DOK5: variants seen among roughly 807,000 people sequenced by gnomAD.
DOK5 encodes downstream of tyrosine kinase 5.
DOK5 carries 27 observed loss-of-function variants against 43.3 expected under a neutral mutation model. The observed-to-expected ratio is 0.62, with a 90% CI of 0.46 to 0.86. The LOEUF is 0.86. DOK5 is among the 40% of genes least tolerant of loss of function. The pLI, the probability that DOK5 is intolerant of heterozygous loss-of-function variation, is 0.00. For missense variants in DOK5, 373 were observed against 392.9 expected (o/e 0.95, Z 0.43); for synonymous variants, 146 against 140.1 (o/e 1.04, Z -0.30).
intron 1 of DOK5, among the ~76,000 whole-genome samples, chr20:54,532,204 A>G (rs1600684381): frequency 2.6e-5 from 4 of 152,170 alleles, no homozygotes. Flanking sequence ...TCGACAACCC[A>G]GTGTGGTAGA....
intron 1 of DOK5, among the ~76,000 whole-genome samples, chr20:54,512,514 A>G (rs2146688701): frequency 6.6e-6 from 1 of 152,232 alleles, no homozygotes; most frequent in South Asian, 2.1e-4. Flanking sequence ...TTATTTATCC[A>G]TGGTAACAGC....
At chr20:54,602,769 G>A (rs1053335861) in intron 5 of DOK5, among the ~76,000 whole-genome samples, 3 of 152,066 alleles carry the variant, frequency 2.0e-5, no homozygotes, top group Admixed American at 2.0e-4. Context: ...CCACCTCCCG[G>A]GTTCAAGCAA....
chr20:54,545,261 G>A (rs1984301275), intron 1 of DOK5, among the ~76,000 whole-genome samples: 2 of 152,198 alleles, frequency 1.3e-5, no homozygotes, highest in Non-Finnish European at 2.9e-5. Flanking sequence ...GGATGGAGGG[G>A]CATTACCTGT....
At chr20:54,624,456 G>C (rs1475063052) in intron 6 of DOK5, among the ~76,000 whole-genome samples, 1 of 152,212 alleles carries the variant, frequency 6.6e-6, no homozygotes, top group African/African-American at 2.4e-5. Flanking sequence ...CTGGCACAGG[G>C]CTTAAAGGTT....
At chr20:54,490,901 C>G (rs1334972020) in intron 1 of DOK5, among the ~76,000 whole-genome samples, 1 of 152,020 alleles carries the variant, frequency 6.6e-6, no homozygotes, top group African/African-American at 2.4e-5. Context: ...TTTCCTTTCT[C>G]TCTAAGCTCT....
intron 6 of DOK5, among the ~76,000 whole-genome samples, chr20:54,622,780 G>A (rs533107574): frequency 4.6e-5 from 7 of 152,216 alleles, no homozygotes; most frequent in African/African-American, 7.2e-5. Flanking sequence ...CCGTGTGGGC[G>A]GTGGTGAGTA....
At chr20:54,595,753 A>C (rs1332952604) in intron 5 of DOK5, among the ~76,000 whole-genome samples, 3 of 152,222 alleles carry the variant, frequency 2.0e-5, no homozygotes, top group African/African-American at 4.8e-5. Context: ...AATGGTCAGA[A>C]AGGAAAGTGT....
chr20:54,650,532 AC>A lies in DOK5; in HGVS notation c.*56del. On this transcript the variant is annotated 3_prime_UTR_variant, in exon 8 of 8. Coordinates refer to ENST00000262593, the MANE Select transcript of DOK5 (RefSeq NM_018431.5). ...CTTGTGATGTGTCAGCCACAGATTC[AC>A]CCAGGAGGTCACAGAATGACAGCAA... 6.4e-7 allele frequency: 1 copy of A among 1,553,034 alleles called. No individual in the cohort carries two copies. The highest frequency in any genetic ancestry group is 8.9e-7 in the Non-Finnish European group (1 of 1,129,230).
rs6014085 is a variant in DOK5 at position 54,618,864 on chromosome 20, A to G, written c.735+8341A>G. On this transcript the variant is annotated intron_variant, in intron 6 of 7. Transcript: ENST00000262593. ...GAGACCCCATCTCTAGAAATATTTAAAAATTAGCCCAGCATGATGGTGCAT... is the reference window on the plus strand; with the variant it reads ...GAGACCCCATCTCTAGAAATATTTAGAAATTAGCCCAGCATGATGGTGCAT... 9.7e-3 allele frequency among the ~76,000 whole-genome samples: 1,459 copies of G among 151,138 alleles called. 29 individuals are homozygous for G. Among genetic ancestry groups the G allele is most frequent in the African/African-American group, 0.033 (1,371 of 41,242 alleles).
chr20:54,643,851 T>C (rs144027637), intron 7 of DOK5, among the ~76,000 whole-genome samples: 1 of 152,184 alleles, frequency 6.6e-6, no homozygotes, highest in Non-Finnish European at 1.5e-5. Flanking sequence ...CTCTAGATCT[T>C]AAGGCATAGG....
rs144480305 is a variant in DOK5 at position 54,512,796 on chromosome 20, C to T, written c.66+36784C>T. 2.1e-3 allele frequency among the ~76,000 whole-genome samples: 321 copies of T among 152,260 alleles called. 4 individuals carry two copies. The highest frequency in any genetic ancestry group is 7.1e-3 in the African/African-American group (297 of 41,556). On this transcript the variant is annotated intron_variant, in intron 1 of 7. Transcript: ENST00000262593. ...ATGTGGTTCTGGGGAAGCCCATCAC[C>T]AGAGCACGTGGCAGCTGGGAGTGGA...
chr20:54,616,449 T>A (rs867472861), intron 6 of DOK5, among the ~76,000 whole-genome samples: 3 of 152,222 alleles, frequency 2.0e-5, no homozygotes, highest in Admixed American at 6.5e-5. Context: ...AGTGCTGATC[T>A]TGCATCCTGA....
chr20:54,523,579 C>A lies in DOK5; in HGVS notation c.67-31354C>A, dbSNP rs111788198. On this transcript the variant is annotated intron_variant, in intron 1 of 7. Transcript: ENST00000262593. ...ACTCTGTCTCAAAAAATTCAATCAA[C>A]CAAATCAAATAAATAAATAACTGCC... 7.7e-3 allele frequency among the ~76,000 whole-genome samples: 1,177 copies of A among 152,074 alleles called. 12 individuals carry two copies. The highest frequency in any genetic ancestry group is 0.037 in the Middle Eastern group (11 of 294).
At chr20:54,537,165 A>G (rs1983988068) in intron 1 of DOK5, among the ~76,000 whole-genome samples, 1 of 152,212 alleles carries the variant, frequency 6.6e-6, no homozygotes, top group South Asian at 2.1e-4. Flanking sequence ...TCAAGTATCA[A>G]GTATGATTTT....
At chr20:54,511,681 G>T (rs1198887526) in intron 1 of DOK5, among the ~76,000 whole-genome samples, 2 of 152,300 alleles carry the variant, frequency 1.3e-5, no homozygotes, top group African/African-American at 4.8e-5. Context: ...AAGGCCCAGG[G>T]ATGCACCTGA....
intron 2 of DOK5, among the ~76,000 whole-genome samples, chr20:54,561,927 G>A (rs1313186536): frequency 6.6e-6 from 1 of 152,178 alleles, no homozygotes; most frequent in Non-Finnish European, 1.5e-5. Context: ...AAAGTGCTGG[G>A]ATTACAGGCG....
At chr20:54,532,983 G>A (rs1663542259) in intron 1 of DOK5, among the ~76,000 whole-genome samples, 1 of 152,198 alleles carries the variant, frequency 6.6e-6, no homozygotes, top group South Asian at 2.1e-4. Flanking sequence ...TTGTCATCTT[G>A]TTGGTTTCCA....
chr20:54,558,295 T>C (rs1355220179), intron 2 of DOK5, among the ~76,000 whole-genome samples: 1 of 152,210 alleles, frequency 6.6e-6, no homozygotes, highest in Non-Finnish European at 1.5e-5. Context: ...AAACTTGCTC[T>C]ATTTCAGACT....
chr20:54,633,728 T>G (rs1235003214), intron 6 of DOK5, among the ~76,000 whole-genome samples: 1 of 152,184 alleles, frequency 6.6e-6, no homozygotes, highest in South Asian at 2.1e-4. Context: ...ATTAATACTT[T>G]AAGGAGCAAC....
Sources: allele counts gnomAD v4.1 joint callset (sites outside exome capture counted in the v4.1 genomes callset), GRCh38; gene constraint gnomAD v4.1.1; transcripts MANE v1.5; gene names NCBI Gene and HGNC (gene_info 2026-07-23, HGNC 2026-07-21).